Variants in OR5W2 observed in about 807,000 individuals in gnomAD.
The protein encoded by OR5W2 is olfactory receptor family 5 subfamily W member 2.
For synonymous variants in OR5W2, 164 were observed against 138.2 expected, an observed-to-expected ratio of 1.19 and a Z score of -1.31; for missense variants, 444 against 357.1, an observed-to-expected ratio of 1.24 and a Z score of -1.96.
Position 55,914,283 on chromosome 11 carries a change from T to C in OR5W2, c.300A>G (p.Gln100=). 6.2e-7 allele frequency: 1 copy of C among 1,614,072 alleles called. No homozygotes were observed. Among genetic ancestry groups the C allele is most frequent in the Non-Finnish European group, 8.5e-7 (1 of 1,180,012 alleles). Residue 100 remains glutamine, a synonymous_variant, in exon 1 of 1, where the codon CAA becomes CAG. Coordinates refer to ENST00000344514, the MANE Select transcript of OR5W2 (RefSeq NM_001001960.1). The stretch of plus-strand genomic sequence containing the variant: ...CTGCAAAGATACAGAAGACCAAGAA[T>C]TGCAGAGCACAGCCATAGAAGGGTA... The part of the protein sequence containing the change: ...KSIPFYGCAL[Q]FLVFCIFADS...
rs1351512700 is a variant in OR5W2, at chr11:55,914,473, A to G, written c.110T>C (p.Ile37Thr). The stretch of plus-strand genomic sequence containing the variant: ...CATTCCAAGATTTGCTGAGAAATTA[A>G]TGATATAAACAGCCAAGAATACAGC... Reference protein sequence around the residue: ...LFAVFLAVYIINFSANLGMIV... With the variant: ...LFAVFLAVYITNFSANLGMIV... The change falls in exon 1 of 1, where the codon ATT (isoleucine) becomes ACT (threonine). Residue 37 changes from isoleucine to threonine, a missense_variant. Ile to Thr is a moderately conservative substitution (Grantham distance 89). Coordinates refer to ENST00000344514, the MANE Select transcript of OR5W2 (RefSeq NM_001001960.1). 5 of 1,613,128 alleles carry G rather than the reference A, an allele frequency of 3.1e-6. No individual in the cohort carries two copies. The highest frequency in any genetic ancestry group is 1.1e-5 in the South Asian group (1 of 91,068).
In OR5W2 at chr11:55,913,756, A is replaced by T; in HGVS notation, c.827T>A (p.Leu276Ter). 4 of 1,614,040 alleles carry T rather than the reference A, an allele frequency of 2.5e-6. No individual in the cohort carries two copies. The highest frequency in any genetic ancestry group is 3.4e-6 in the Non-Finnish European group (4 of 1,179,906). The change falls in exon 1 of 1, where the codon TTG becomes TAG. Residue 276 changes from leucine (L) to a stop codon, truncating the protein, a stop_gained. Transcript: ENST00000344514. LOFTEE classifies it low-confidence loss of function (END_TRUNC). ...CATGGGAACCACAAGGGTGTAAAACAATGAGGTCATTTTATCTTGATCTAG... is the reference window on the plus strand; with the variant it reads ...CATGGGAACCACAAGGGTGTAAAACTATGAGGTCATTTTATCTTGATCTAG... ...YSLDQDKMTS[L>*]FYTLVVPMLN...
rs773356731 is a variant in OR5W2 at position 55,913,993 on chromosome 11, A to G, written c.590T>C (p.Leu197Ser). The change falls in exon 1 of 1, where the codon TTA (leucine) becomes TCA (serine). Residue 197 changes from leucine (L) to serine (S), a missense_variant. Physicochemically the swap from Leu to Ser is moderately radical, Grantham distance 145 (BLOSUM62 -2). Transcript: ENST00000344514. ...AAAACCAAAGACGGTGAATAACACT[A>G]ACTCATTGACCTGTGTATCTGAGCG... ...LSRSDTQVNE[L>S]VLFTVFGFIE... The G allele has an allele frequency of 6.2e-6, 10 of 1,612,826 alleles. No individual in the cohort carries two copies. The African/African-American group carries it at 1.2e-4, about 19-fold the overall frequency.
chr11:55,913,861 C>G lies in OR5W2; in HGVS notation c.722G>C (p.Cys241Ser). ...TGCAACCGCAGATAAGTGGGAAGTG[C>G]ATGTAGAGAGAGCTTTGAACCTCCC... is the stretch of plus-strand genomic sequence containing the variant. The part of the protein sequence containing the change: ...AEGRFKALST[C>S]TSHLSAVAIF... The change falls in exon 1 of 1, where the codon TGC (cysteine) becomes TCC (serine). Residue 241 changes from cysteine (C) to serine (S), a missense_variant. Cys to Ser is a moderately radical substitution (Grantham distance 112). Coordinates refer to ENST00000344514, the MANE Select transcript of OR5W2 (RefSeq NM_001001960.1). 6.2e-7 allele frequency: 1 copy of G among 1,613,906 alleles called. No homozygotes were observed. Among genetic ancestry groups the G allele is most frequent in the East Asian group, 2.2e-5 (1 of 44,860 alleles).
rs145616071 is a variant in OR5W2, at chr11:55,914,057, G to A, written c.526C>T (p.His176Tyr). The change falls in exon 1 of 1, where the codon CAT becomes TAT. Residue 176 changes from histidine (H) to tyrosine (Y), a missense_variant. His to Tyr is a moderately conservative substitution (Grantham distance 83, BLOSUM62 2). Transcript: ENST00000344514. ...AGAGGAGGGATATCACAGAAGAAAT[G>A]ATTAATCTCATTAGACCCACAGAAG... ...LCFCGSNEIN[H>Y]FFCDIPPLLL... 40 of 1,613,784 alleles carry A rather than the reference G, an allele frequency of 2.5e-5. No homozygotes were observed. The highest frequency in any genetic ancestry group is 5.3e-5 in the African/African-American group (4 of 74,934).
chr11:55,913,656 T>A lies in OR5W2; in HGVS notation c.927A>T (p.Leu309Phe), dbSNP rs767032916. The A allele has an allele frequency of 1.3e-6, 2 of 1,564,788 alleles. No homozygotes were observed. Among genetic ancestry groups the A allele is most frequent in the South Asian group, 2.4e-5 (2 of 84,588 alleles). ...EALKKLKNKILF is the reference protein window; with the variant it reads ...EALKKLKNKIFF ...ATGTATTTTTACTATTTCCTTAAAA[T>A]AAAATTTTATTTTTCAGTTTTTTCA... Residue 309 changes from leucine (L) to phenylalanine (F), a missense_variant, in exon 1 of 1, where the codon TTA becomes TTT. Leu to Phe is a conservative substitution (Grantham distance 22, BLOSUM62 0). Coordinates refer to ENST00000344514, the MANE Select transcript of OR5W2 (RefSeq NM_001001960.1).
chr11:55,914,348 G>C lies in OR5W2; in HGVS notation c.235C>G (p.Pro79Ala), dbSNP rs756116122. The C allele has an allele frequency of 6.2e-7, 1 of 1,613,760 alleles. No individual in the cohort carries two copies. The highest frequency in any genetic ancestry group is 1.3e-5 in the African/African-American group (1 of 74,906). ...CDLCYSTATGPKMLVDLLAKN... is the reference protein window; with the variant it reads ...CDLCYSTATGAKMLVDLLAKN... The stretch of plus-strand genomic sequence containing the variant: ...GCAAGTAGATCTACCAGCATCTTGG[G>C]CCCAGTTGCAGTAGAATAGCAGAGA... Residue 79 changes from proline to alanine, a missense_variant, in exon 1 of 1, where the codon CCC (proline) becomes GCC (alanine). Physicochemically the swap from Pro to Ala is conservative, Grantham distance 27 (BLOSUM62 -1). Coordinates refer to ENST00000344514, the MANE Select transcript of OR5W2 (RefSeq NM_001001960.1).
rs754764066 is a variant in OR5W2, at chr11:55,914,331, A to T, written c.252T>A (p.Asp84Glu). The change falls in exon 1 of 1, where the codon GAT (aspartate) becomes GAA (glutamate). Residue 84 changes from aspartate (D) to glutamate (E), a missense_variant. Coordinates refer to ENST00000344514, the MANE Select transcript of OR5W2 (RefSeq NM_001001960.1). ...STATGPKMLV[D>E]LLAKNKSIPF... ...GTATTGACTTGTTCTTGGCAAGTAG[A>T]TCTACCAGCATCTTGGGCCCAGTTG... 2.5e-6 allele frequency: 4 copies of T among 1,614,060 alleles called. No individual in the cohort carries two copies. In the African/African-American group the frequency reaches 5.3e-5, roughly 22 times the overall value.
At position 55,913,914 on chromosome 11, in the gene OR5W2, T is replaced by C; in HGVS notation, c.669A>G (p.Leu223=). The part of the protein sequence containing the change: ...GVFISYCYII[L]SVLEIHSAEG... ...CAGCAGAGTGTATCTCCAAGACTGA[T>C]AGGATGATATAACAATAAGAAATGA... The change falls in exon 1 of 1, where the codon CTA becomes CTG. Residue 223 remains leucine, a synonymous_variant. Transcript: ENST00000344514. 3 of 1,613,874 alleles carry C rather than the reference T, an allele frequency of 1.9e-6. No homozygotes were observed. The highest frequency in any genetic ancestry group is 8.5e-7 in the Non-Finnish European group (1 of 1,179,812).
At position 55,913,843 on chromosome 11, in the gene OR5W2, G is replaced by A. The variant is rs190585939; in HGVS notation, c.740C>T (p.Ala247Val). 31 of 1,613,968 alleles carry A rather than the reference G, an allele frequency of 1.9e-5. No homozygotes were observed. Among genetic ancestry groups the A allele is most frequent in the Admixed American group, 6.7e-5 (4 of 60,008 alleles). Residue 247 changes from alanine to valine, a missense_variant, in exon 1 of 1, where the codon GCG becomes GTG. Ala to Val is a moderately conservative substitution (Grantham distance 64). Coordinates refer to ENST00000344514, the MANE Select transcript of OR5W2 (RefSeq NM_001001960.1). ...ALSTCTSHLS[A>V]VAIFQGTLLF... ...CAGAGTTCCCTGGAAAATTGCAACC[G>A]CAGATAAGTGGGAAGTGCATGTAGA... is the stretch of plus-strand genomic sequence containing the variant.
chr11:55,913,890 A>G lies in OR5W2; in HGVS notation c.693T>C (p.Ala231=), dbSNP rs779400369. The change falls in exon 1 of 1, where the codon GCT becomes GCC. Residue 231 remains alanine, a synonymous_variant. Coordinates refer to ENST00000344514, the MANE Select transcript of OR5W2 (RefSeq NM_001001960.1). ...IILSVLEIHS[A]EGRFKALSTC... ...TAGAGAGAGCTTTGAACCTCCCCTC[A>G]GCAGAGTGTATCTCCAAGACTGATA... is the stretch of plus-strand genomic sequence containing the variant. The G allele has an allele frequency of 1.2e-6, 2 of 1,613,776 alleles. No homozygotes were observed. Among genetic ancestry groups the G allele is most frequent in the Non-Finnish European group, 1.7e-6 (2 of 1,179,642 alleles).
rs1854911859 is a variant in OR5W2 at position 55,913,991 on chromosome 11, C to G, written c.592G>C (p.Val198Leu). Reference protein sequence around the residue: ...SRSDTQVNELVLFTVFGFIEL... With the variant: ...SRSDTQVNELLLFTVFGFIEL... ...ATAAAACCAAAGACGGTGAATAACACTAACTCATTGACCTGTGTATCTGAG... is the reference window on the plus strand; with the variant it reads ...ATAAAACCAAAGACGGTGAATAACAGTAACTCATTGACCTGTGTATCTGAG... Residue 198 changes from valine to leucine, a missense_variant, in exon 1 of 1, where the codon GTG becomes CTG. Coordinates refer to ENST00000344514, the MANE Select transcript of OR5W2 (RefSeq NM_001001960.1). 6.2e-7 allele frequency: 1 copy of G among 1,613,210 alleles called. No homozygotes were observed. Among genetic ancestry groups the G allele is most frequent in the Non-Finnish European group, 8.5e-7 (1 of 1,179,190 alleles).
rs1458493842 is a variant in OR5W2, at chr11:55,913,733, T to C, written c.850A>G (p.Met284Val). The stretch of plus-strand genomic sequence containing the variant: ...AGGCTATAAATCAGGGGGTTCAACA[T>C]GGGAACCACAAGGGTGTAAAACAAT... ...TSLFYTLVVP[M>V]LNPLIYSLRN... The change falls in exon 1 of 1, where the codon ATG (methionine) becomes GTG (valine). Residue 284 changes from methionine to valine, a missense_variant. Transcript: ENST00000344514. The C allele has an allele frequency of 7.4e-6, 12 of 1,613,882 alleles. No homozygotes were observed. The highest frequency in any genetic ancestry group is 1.7e-5 in the Admixed American group (1 of 60,004).
At position 55,913,855 on chromosome 11, in the gene OR5W2, G is replaced by A. The variant is rs1854909445; in HGVS notation, c.728C>T (p.Ser243Phe). The change falls in exon 1 of 1, where the codon TCC (serine) becomes TTC (phenylalanine). Residue 243 changes from serine to phenylalanine, a missense_variant. Physicochemically the swap from Ser to Phe is radical, Grantham distance 155. Coordinates refer to ENST00000344514, the MANE Select transcript of OR5W2 (RefSeq NM_001001960.1). ...GRFKALSTCT[S>F]HLSAVAIFQG... is the part of the protein sequence containing the mutation. ...GAAAATTGCAACCGCAGATAAGTGG[G>A]AAGTGCATGTAGAGAGAGCTTTGAA... is the stretch of plus-strand genomic sequence containing the variant. 2 of 1,613,872 alleles carry A rather than the reference G, an allele frequency of 1.2e-6. No individual in the cohort carries two copies. Among genetic ancestry groups the A allele is most frequent in the African/African-American group, 1.3e-5 (1 of 74,912 alleles).
Position 55,914,428 on chromosome 11 carries a change from T to C in OR5W2, c.155A>G (p.Asp52Gly), listed in dbSNP as rs1344998140. The C allele has an allele frequency of 1.2e-6, 2 of 1,613,978 alleles. No homozygotes were observed. The highest frequency in any genetic ancestry group is 1.7e-6 in the Non-Finnish European group (2 of 1,179,818). ...NLGMIVLIRM[D>G]YQLHTPMYFF... ...ATACATTGGTGTGTGAAGTTGGTAA[T>C]CCATTCTGATTAAAACTATCATTCC... Residue 52 changes from aspartate to glycine, a missense_variant, in exon 1 of 1, where the codon GAT becomes GGT. Coordinates refer to ENST00000344514, the MANE Select transcript of OR5W2 (RefSeq NM_001001960.1).
At position 55,913,931 on chromosome 11, in the gene OR5W2, A is replaced by G. The variant is rs910038767; in HGVS notation, c.652T>C (p.Tyr218His). 6.2e-7 allele frequency: 1 copy of G among 1,614,062 alleles called. No individual in the cohort carries two copies. The highest frequency in any genetic ancestry group is 8.5e-7 in the Non-Finnish European group (1 of 1,179,918). ...LSTISGVFIS[Y>H]CYIILSVLEI... ...AAGACTGATAGGATGATATAACAATAAGAAATGAAAACTCCTGAAATGGTA... is the reference window on the plus strand; with the variant it reads ...AAGACTGATAGGATGATATAACAATGAGAAATGAAAACTCCTGAAATGGTA... Residue 218 changes from tyrosine to histidine, a missense_variant, in exon 1 of 1, where the codon TAT (tyrosine) becomes CAT (histidine). Tyr to His is a moderately conservative substitution (Grantham distance 83). Transcript: ENST00000344514.
chr11:55,913,927 C>T lies in OR5W2; in HGVS notation c.656G>A (p.Cys219Tyr). 2 of 1,613,956 alleles carry T rather than the reference C, an allele frequency of 1.2e-6. No individual in the cohort carries two copies. Among genetic ancestry groups the T allele is most frequent in the East Asian group, 2.2e-5 (1 of 44,878 alleles). The change falls in exon 1 of 1, where the codon TGT becomes TAT. Residue 219 changes from cysteine (C) to tyrosine (Y), a missense_variant. By Grantham distance (194) the Cys-to-Tyr change is radical. Transcript: ENST00000344514. ...STISGVFISY[C>Y]YIILSVLEIH... is the part of the protein sequence containing the mutation. Reference sequence around the variant, plus strand: ...CTCCAAGACTGATAGGATGATATAACAATAAGAAATGAAAACTCCTGAAAT... The same window carrying T: ...CTCCAAGACTGATAGGATGATATAATAATAAGAAATGAAAACTCCTGAAAT...
In OR5W2 at chr11:55,914,276, C is replaced by G; in HGVS notation, c.307G>C (p.Val103Leu). 6.2e-7 allele frequency: 1 copy of G among 1,614,066 alleles called. No homozygotes were observed. The highest frequency in any genetic ancestry group is 2.2e-5 in the East Asian group (1 of 44,868). The change falls in exon 1 of 1, where the codon GTC (valine) becomes CTC (leucine). Residue 103 changes from valine to leucine, a missense_variant. Val to Leu is a conservative substitution (Grantham distance 32). Coordinates refer to ENST00000344514, the MANE Select transcript of OR5W2 (RefSeq NM_001001960.1). ...PFYGCALQFL[V>L]FCIFADSECL... ...TCAGAATCTGCAAAGATACAGAAGA[C>G]CAAGAATTGCAGAGCACAGCCATAG...
At position 55,914,526 on chromosome 11, in the gene OR5W2, A is replaced by T; in HGVS notation, c.57T>A (p.Asn19Lys). The change falls in exon 1 of 1, where the codon AAT (asparagine) becomes AAA (lysine). Residue 19 changes from asparagine to lysine, a missense_variant. Transcript: ENST00000344514. ...LTDFFLLGIT[N>K]NPEMKVTLFA... ...ATAGGGTCACTTTCATCTCTGGGTT[A>T]TTGGTAATTCCCAAGAGAAAAAAAT... 1.9e-6 allele frequency: 3 copies of T among 1,612,574 alleles called. No individual in the cohort carries two copies. The highest frequency in any genetic ancestry group is 2.5e-6 in the Non-Finnish European group (3 of 1,179,222).
Sources: gnomAD v4.1 joint callset for allele counts on GRCh38, gnomAD v4.1.1 for gene constraint, MANE v1.5 for transcripts, NCBI Gene and HGNC (gene_info 2026-07-23, HGNC 2026-07-21) for gene names.